The following FARS2 variants were observed in gnomAD, a reference collection of about 807,000 sequenced individuals.
FARS2 encodes phenylalanyl-tRNA synthetase 2, mitochondrial.
In FARS2, 40 loss-of-function variants were observed where a neutral mutation model predicts 46.4. The ratio of observed to expected loss-of-function variants is 0.86; its 90% confidence interval spans 0.67 to 1.12. The LOEUF is 1.12. Ranked by LOEUF, FARS2 falls within the 50% of genes most tolerant of loss-of-function variation. FARS2 has a pLI of 0.00. For synonymous variants in FARS2, 234 were observed against 214.9 expected (o/e 1.09, Z -0.78); for missense variants, 513 against 567.9 (o/e 0.90, Z 0.98).
chr6:5,426,687 GC>G (rs1762872969), intron 3 of FARS2, among the ~76,000 whole-genome samples: 1 of 152,060 alleles, frequency 6.6e-6, no homozygotes, highest in Non-Finnish European at 1.5e-5. Context: ...GTGCAGTGGC[GC>G]AATCTTGGCT....
At chr6:5,487,711 A>T (rs561683121) in intron 4 of FARS2, among the ~76,000 whole-genome samples, 1 of 152,324 alleles carries the variant, frequency 6.6e-6, no homozygotes, top group East Asian at 1.9e-4. Flanking sequence ...TGATGTAGGT[A>T]CGTGGCTTTA....
rs553954029 is a variant in FARS2, at chr6:5,524,987, A to G, written c.905-20193A>G. Among the ~76,000 whole-genome samples the G allele has an allele frequency of 1.9e-4, 29 of 152,214 alleles. No individual in the cohort carries two copies. The East Asian group carries it at 5.6e-3, about 29-fold the overall frequency. On this transcript the variant is annotated intron_variant, in intron 4 of 6. Coordinates refer to ENST00000274680, the MANE Select transcript of FARS2 (RefSeq NM_006567.5). Reference sequence around the variant, plus strand: ...CTGAGACCACTGTGTTCTACTTTCTACTAAAGAGCTGGCATTGCTTCTTGG... The same window carrying G: ...CTGAGACCACTGTGTTCTACTTTCTGCTAAAGAGCTGGCATTGCTTCTTGG...
intron 5 of FARS2, among the ~76,000 whole-genome samples, chr6:5,589,753 A>G (rs796756034): frequency 2.0e-5 from 3 of 152,374 alleles, no homozygotes; most frequent in African/African-American, 7.2e-5. Flanking sequence ...TGCTGAATAT[A>G]TAACCTTTTG....
chr6:5,284,900 A>G (rs1766999483), intron 1 of FARS2, among the ~76,000 whole-genome samples: 1 of 152,092 alleles, frequency 6.6e-6, no homozygotes, highest in Non-Finnish European at 1.5e-5. Flanking sequence ...ATTGCTTAAC[A>G]TGTTCATCTG....
chr6:5,286,798 G>A (rs1426295722), intron 1 of FARS2, among the ~76,000 whole-genome samples: 1 of 152,154 alleles, frequency 6.6e-6, no homozygotes. Context: ...CACATATGTT[G>A]GCATGTGTGT....
rs542217961 is a variant in FARS2, at chr6:5,660,849, G to A, written c.1217+47529G>A. On this transcript the variant is annotated intron_variant, in intron 6 of 6. Transcript: ENST00000274680. ...GGGGACATGGTGTTGAGGCTGAAACGGGGCTGAGGCCAGACCACACTGGGC... is the reference window on the plus strand; with the variant it reads ...GGGGACATGGTGTTGAGGCTGAAACAGGGCTGAGGCCAGACCACACTGGGC... Among the ~76,000 whole-genome samples the A allele has an allele frequency of 3.4e-4, 52 of 152,308 alleles. 1 individual carries two copies. Among genetic ancestry groups the A allele is most frequent in the African/African-American group, 8.9e-4 (37 of 41,558 alleles).
intron 1 of FARS2, among the ~76,000 whole-genome samples, chr6:5,269,229 A>T (rs1343365030): frequency 6.6e-6 from 1 of 152,106 alleles, no homozygotes; most frequent in Non-Finnish European, 1.5e-5. Context: ...TGAGCAAACT[A>T]TCGCAAGGAC....
At chr6:5,296,241 A>G (rs979491814) in intron 1 of FARS2, among the ~76,000 whole-genome samples, 4 of 140,642 alleles carry the variant, frequency 2.8e-5, no homozygotes, top group Admixed American at 8.0e-5. Flanking sequence ...TCCCGGGTTC[A>G]CACCATTCTC....
intron 5 of FARS2, among the ~76,000 whole-genome samples, chr6:5,578,638 T>A (rs1183674171): frequency 4.6e-5 from 7 of 151,568 alleles, no homozygotes; most frequent in African/African-American, 1.7e-4. Flanking sequence ...TGAAACCCCA[T>A]CTCCACTAAA....
At chr6:5,418,329 G>A (rs982045448) in intron 3 of FARS2, among the ~76,000 whole-genome samples, 4 of 151,992 alleles carry the variant, frequency 2.6e-5, no homozygotes, top group Admixed American at 1.3e-4. Context: ...CCTAATATCC[G>A]CGAGCTTTAT....
intron 6 of FARS2, among the ~76,000 whole-genome samples, chr6:5,637,195 A>G (rs1251527593): frequency 6.6e-6 from 1 of 152,262 alleles, no homozygotes. Flanking sequence ...TTGCCAAGTC[A>G]GACGAGGCTC....
chr6:5,393,760 A>C (rs1020752295), intron 2 of FARS2, among the ~76,000 whole-genome samples: 1 of 152,278 alleles, frequency 6.6e-6, no homozygotes, highest in Admixed American at 6.5e-5. Context: ...GGAGAAAGGC[A>C]CCCTTTTCCT....
intron 4 of FARS2, among the ~76,000 whole-genome samples, chr6:5,454,344 T>C (rs1041300996): frequency 2.0e-5 from 3 of 152,110 alleles, no homozygotes; most frequent in Non-Finnish European, 4.4e-5. Context: ...TTAAAATTTA[T>C]TTATTTATTT....
chr6:5,636,100 T>G (rs1194031366), intron 6 of FARS2, among the ~76,000 whole-genome samples: 5 of 149,482 alleles, frequency 3.3e-5, no homozygotes, highest in Non-Finnish European at 7.5e-5. Flanking sequence ...TAGGGTTTTG[T>G]TTTTTTTTTA....
At chr6:5,307,518 G>A (rs183435069) in intron 1 of FARS2, among the ~76,000 whole-genome samples, 42 of 152,170 alleles carry the variant, frequency 2.8e-4, no homozygotes, top group African/African-American at 6.7e-4. Context: ...CACAATTTCC[G>A]TCGTATCATA....
At chr6:5,725,801 C>T (rs1350351593) in intron 6 of FARS2, among the ~76,000 whole-genome samples, 5 of 152,066 alleles carry the variant, frequency 3.3e-5, no homozygotes, top group South Asian at 2.1e-4. Context: ...CTGGGCGTGG[C>T]GCGCACACCT....
intron 1 of FARS2, among the ~76,000 whole-genome samples, chr6:5,352,321 TA>T (rs549718665): frequency 2.1e-3 from 294 of 140,688 alleles, no homozygotes; most frequent in Admixed American, 2.3e-3. Context: ...GAGGGAGCCT[TA>T]AAAAAAAAAA....
chr6:5,598,405 GAGTA>G (rs1774323767), intron 5 of FARS2, among the ~76,000 whole-genome samples: 1 of 152,122 alleles, frequency 6.6e-6, no homozygotes. Context: ...ATAAATAAAT[GAGTA>G]AGTAAGTATG....
intron 1 of FARS2, among the ~76,000 whole-genome samples, chr6:5,320,065 A>T (rs1201191559): frequency 6.6e-6 from 1 of 152,250 alleles, no homozygotes; most frequent in Non-Finnish European, 1.5e-5. Flanking sequence ...GCCACTTGAT[A>T]AATAGATCCC....
Sources: gnomAD v4.1 joint callset for allele counts (sites outside exome capture counted in the v4.1 genomes callset) on GRCh38, gnomAD v4.1.1 for gene constraint, MANE v1.5 for transcripts, NCBI Gene and HGNC (gene_info 2026-07-23, HGNC 2026-07-21) for gene names.